Variants in MARCHF1 observed in about 807,000 individuals in gnomAD.
The protein encoded by MARCHF1 is E3 ubiquitin-protein ligase MARCHF1.
A neutral mutation model predicts 54.2 loss-of-function variants in MARCHF1; 40 were observed. That is an observed-to-expected ratio of 0.74 (90% CI 0.57 to 0.96). The LOEUF (loss-of-function observed/expected upper bound fraction) is 0.96. Among genes scored for constraint, MARCHF1 ranks in the 40% least tolerant of loss-of-function variants. The pLI is 0.00. For synonymous variants in MARCHF1, 236 were observed against 236.3 expected (o/e 1.00, Z 0.01); for missense variants, 586 against 656.5 (o/e 0.89, Z 1.17).
intron 5 of MARCHF1, among the ~76,000 whole-genome samples, chr4:163,614,348 G>A (rs766800889): frequency 1.3e-5 from 2 of 152,018 alleles, no homozygotes; most frequent in African/African-American, 2.4e-5. Flanking sequence ...ACATGTTACA[G>A]CTGAGGAAAC....
At chr4:164,255,166 G>A (rs1733242685) in intron 1 of MARCHF1, among the ~76,000 whole-genome samples, 1 of 152,118 alleles carries the variant, frequency 6.6e-6, no homozygotes, top group South Asian at 2.1e-4. Context: ...ATAATGTGGT[G>A]TAGTTATGTA....
intron 4 of MARCHF1, among the ~76,000 whole-genome samples, chr4:163,834,243 C>T (rs1749112753): frequency 6.6e-6 from 1 of 150,874 alleles, no homozygotes; most frequent in Non-Finnish European, 1.5e-5. Context: ...CTTTAGGAGA[C>T]TAGCAGCAGG....
At chr4:164,305,942 G>A (rs752076707) in intron 1 of MARCHF1, among the ~76,000 whole-genome samples, 6 of 151,990 alleles carry the variant, frequency 3.9e-5, no homozygotes, top group Non-Finnish European at 7.4e-5. Context: ...GAATAGTACC[G>A]CAGCATGTTA....
intron 3 of MARCHF1, among the ~76,000 whole-genome samples, chr4:163,878,647 T>C (rs1168131532): frequency 6.6e-6 from 1 of 152,118 alleles, no homozygotes; most frequent in Non-Finnish European, 1.5e-5. Flanking sequence ...AGAAGGAATG[T>C]AGGGGACTCT....
chr4:163,918,717 C>G (rs1751362907), intron 3 of MARCHF1, among the ~76,000 whole-genome samples: 1 of 151,746 alleles, frequency 6.6e-6, no homozygotes, highest in Admixed American at 6.6e-5. Context: ...TAGTTGTTTA[C>G]TGATTTGTTG....
At chr4:163,573,418 C>T (rs1739912437) in intron 8 of MARCHF1, among the ~76,000 whole-genome samples, 1 of 150,660 alleles carries the variant, frequency 6.6e-6, no homozygotes, top group Admixed American at 6.6e-5. Context: ...CCCACTAACT[C>T]GTCATCTAGC....
At chr4:163,711,443 C>T (rs376135744) in intron 4 of MARCHF1, among the ~76,000 whole-genome samples, 11 of 123,266 alleles carry the variant, frequency 8.9e-5, no homozygotes, top group African/African-American at 3.1e-4. Context: ...CACTGTTCCC[C>T]ACCCTGATCT....
At chr4:164,266,675 T>C (rs1400085417) in intron 1 of MARCHF1, among the ~76,000 whole-genome samples, 2 of 152,186 alleles carry the variant, frequency 1.3e-5, no homozygotes, top group Non-Finnish European at 2.9e-5. Flanking sequence ...CTGTAATTGT[T>C]GCCCATTTCA....
intron 2 of MARCHF1, among the ~76,000 whole-genome samples, chr4:164,047,103 T>A (rs963098004): frequency 6.6e-6 from 1 of 152,152 alleles, no homozygotes; most frequent in African/African-American, 2.4e-5. Context: ...TAAGGATATA[T>A]CCAAATAAAT....
chr4:163,953,668 C>T (rs982399052), intron 3 of MARCHF1, among the ~76,000 whole-genome samples: 2 of 152,134 alleles, frequency 1.3e-5, no homozygotes, highest in African/African-American at 4.8e-5. Context: ...CAAACTATAG[C>T]CTGGAGTCCA....
At chr4:163,555,931 C>T (rs896561570) in intron 8 of MARCHF1, 10 of 455,850 alleles carry the variant, frequency 2.2e-5, no homozygotes, top group African/African-American at 4.0e-5. Context: ...ATAGCCTTGC[C>T]GTTTAGGAGA....
chr4:163,742,123 G>A (rs534840693), intron 4 of MARCHF1, among the ~76,000 whole-genome samples: 2 of 151,954 alleles, frequency 1.3e-5, no homozygotes, highest in South Asian at 2.1e-4. Context: ...TTTTATGATG[G>A]TGCATAACCA....
At chr4:163,547,974 T>G (rs1003502974) in intron 8 of MARCHF1, among the ~76,000 whole-genome samples, 1 of 152,206 alleles carries the variant, frequency 6.6e-6, no homozygotes, top group Non-Finnish European at 1.5e-5. Flanking sequence ...ATATTAATAA[T>G]GTGATTAAGG....
chr4:164,107,620 C>G (rs1238734038), intron 2 of MARCHF1, among the ~76,000 whole-genome samples: 3 of 152,072 alleles, frequency 2.0e-5, no homozygotes, highest in Non-Finnish European at 4.4e-5. Flanking sequence ...ACTTCTGCCC[C>G]TCAAAGTTCT....
intron 3 of MARCHF1, among the ~76,000 whole-genome samples, chr4:163,907,598 C>T (rs1430578724): frequency 6.6e-6 from 1 of 152,042 alleles, no homozygotes; most frequent in Non-Finnish European, 1.5e-5. Context: ...AATAACTTCT[C>T]AGTTGAATTT....
intron 4 of MARCHF1, among the ~76,000 whole-genome samples, chr4:163,733,758 A>C (rs1745951443): frequency 6.6e-6 from 1 of 152,182 alleles, no homozygotes; most frequent in East Asian, 1.9e-4. Flanking sequence ...TGGGTTGGGC[A>C]GAGATTTATC....
chr4:163,747,887 G>A (rs1431720766), intron 4 of MARCHF1, among the ~76,000 whole-genome samples: 2 of 152,166 alleles, frequency 1.3e-5, no homozygotes, highest in Admixed American at 6.6e-5. Context: ...ACAGGTATGC[G>A]GTATAAGAGC....
chr4:163,701,819 C>G (rs998393886), intron 4 of MARCHF1, among the ~76,000 whole-genome samples: 11 of 147,948 alleles, frequency 7.4e-5, no homozygotes, highest in African/African-American at 2.7e-4. Context: ...AATAATTTAC[C>G]AATGTAAGAA....
intron 3 of MARCHF1, among the ~76,000 whole-genome samples, chr4:163,948,088 G>A (rs1331885438): frequency 2.6e-5 from 4 of 152,076 alleles, no homozygotes; most frequent in Admixed American, 1.3e-4. Context: ...GCCACATTGT[G>A]TCTTCTACTA....
Sources: gnomAD v4.1 joint callset for allele counts (sites outside exome capture counted in the v4.1 genomes callset) on GRCh38, gnomAD v4.1.1 for gene constraint, MANE v1.5 for transcripts, NCBI Gene and HGNC (gene_info 2026-07-23, HGNC 2026-07-21) for gene names.